Variants in CFAP95 observed in about 807,000 individuals in gnomAD.
CFAP95 encodes cilia- and flagella-associated protein 95.
At chr9:69,840,237 C>T in the CFAP95 span, among the ~76,000 whole-genome samples, 5 of 152,144 alleles carry the variant, frequency 3.3e-5, no homozygotes, top group East Asian at 1.9e-4. Flanking sequence ...CATGGCAAGT[C>T]GTTCGATGAC....
At chr9:69,879,068 C>G in the CFAP95 span, among the ~76,000 whole-genome samples, 4 of 152,150 alleles carry the variant, frequency 2.6e-5, no homozygotes, top group African/African-American at 9.7e-5. Flanking sequence ...AAACACCTCC[C>G]CCCAGGCCTC....
chr9:69,841,959 A>G, the CFAP95 span, among the ~76,000 whole-genome samples: 4 of 152,170 alleles, frequency 2.6e-5, no homozygotes, highest in Non-Finnish European at 4.4e-5. Context: ...TTGTGTGGGG[A>G]CATAGCCAAA....
the CFAP95 span, among the ~76,000 whole-genome samples, chr9:69,894,510 T>C: frequency 6.6e-6 from 1 of 152,194 alleles, no homozygotes; most frequent in Non-Finnish European, 1.5e-5. Context: ...TTGTCTACCA[T>C]GTTCCAGGCA....
chr9:69,861,653 C>G, the CFAP95 span, among the ~76,000 whole-genome samples: 2 of 150,326 alleles, frequency 1.3e-5, no homozygotes, highest in African/African-American at 2.5e-5. Context: ...ACGTCAGGCA[C>G]CACATGTCAG....
chr9:69,876,827 G>A, the CFAP95 span, among the ~76,000 whole-genome samples: 1 of 152,026 alleles, frequency 6.6e-6, no homozygotes, highest in Non-Finnish European at 1.5e-5. Context: ...TAGAGACGGG[G>A]TTTCACCATG....
At chr9:69,865,317 A>G in the CFAP95 span, among the ~76,000 whole-genome samples, 2 of 152,176 alleles carry the variant, frequency 1.3e-5, no homozygotes, top group Non-Finnish European at 2.9e-5. Context: ...AGAATGAACT[A>G]ATACAGATGA....
At chr9:69,853,954 C>T in the CFAP95 span, among the ~76,000 whole-genome samples, 1 of 152,178 alleles carries the variant, frequency 6.6e-6, no homozygotes, top group Admixed American at 6.5e-5. Flanking sequence ...TCCAAGGAAA[C>T]AACTATTTCC....
chr9:69,868,731 A>G, the CFAP95 span, among the ~76,000 whole-genome samples: 16,131 of 150,770 alleles, frequency 0.11, 1,148 homozygotes, highest in East Asian at 0.26. Context: ...ATGGATGAGG[A>G]GAAAATATTT....
chr9:69,861,040 G>C, the CFAP95 span, among the ~76,000 whole-genome samples: 157 of 152,242 alleles, frequency 1.0e-3, 1 homozygote, highest in African/African-American at 3.7e-3. Context: ...GCATAAACCA[G>C]TAACAGTTGT....
the CFAP95 span, among the ~76,000 whole-genome samples, chr9:69,894,431 CA>C: frequency 2.0e-5 from 3 of 151,900 alleles, no homozygotes; most frequent in African/African-American, 7.3e-5. Flanking sequence ...AGCAAGGAAG[CA>C]AGGAAACAAG....
the CFAP95 span, chr9:69,886,879 A>G: frequency 6.2e-7 from 1 of 1,612,996 alleles, no homozygotes; most frequent in Middle Eastern, 1.7e-4. Flanking sequence ...GTTCCACCAT[A>G]TGATTATCAG....
chr9:69,900,087 T>G, the CFAP95 span, among the ~76,000 whole-genome samples: 1 of 152,254 alleles, frequency 6.6e-6, no homozygotes, highest in South Asian at 2.1e-4. Context: ...TATTTTTTAC[T>G]TAGATGGGTT....
At chr9:69,861,943 G>A in the CFAP95 span, among the ~76,000 whole-genome samples, 1 of 152,008 alleles carries the variant, frequency 6.6e-6, no homozygotes, top group Non-Finnish European at 1.5e-5. Flanking sequence ...CCATAACTTG[G>A]TTAGGTCCCT....
chr9:69,851,496 T>G, the CFAP95 span, among the ~76,000 whole-genome samples: 34 of 152,294 alleles, frequency 2.2e-4, no homozygotes, highest in African/African-American at 7.9e-4. Flanking sequence ...GAAGTGAGTG[T>G]GAAGGGTAGG....
chr9:69,824,162 G>A, the CFAP95 span, among the ~76,000 whole-genome samples: 2 of 152,290 alleles, frequency 1.3e-5, no homozygotes, highest in East Asian at 3.9e-4. Flanking sequence ...AGAAGCAGAG[G>A]TAATGGTGTG....
the CFAP95 span, among the ~76,000 whole-genome samples, chr9:69,854,127 A>G: frequency 2.6e-5 from 4 of 152,236 alleles, no homozygotes; most frequent in Admixed American, 6.5e-5. Flanking sequence ...CCGCTGGTAT[A>G]GGAAACAGAA....
chr9:69,840,154 C>A, the CFAP95 span, among the ~76,000 whole-genome samples: 1 of 151,736 alleles, frequency 6.6e-6, no homozygotes, highest in Non-Finnish European at 1.5e-5. Flanking sequence ...GCTCTAGAGG[C>A]ATTGTAAATT....
the CFAP95 span, chr9:69,902,326 C>T: frequency 6.6e-6 from 3 of 454,938 alleles, no homozygotes; most frequent in Admixed American, 4.7e-5. Context: ...ATTTTCTCTA[C>T]CCATTTGGAG....
At chr9:69,867,482 A>G in the CFAP95 span, among the ~76,000 whole-genome samples, 4 of 152,138 alleles carry the variant, frequency 2.6e-5, no homozygotes, top group Admixed American at 2.6e-4. Flanking sequence ...ATAGGCTTAT[A>G]TGGTTTATCT....
Sources: allele counts gnomAD v4.1 joint callset (sites outside exome capture counted in the v4.1 genomes callset), GRCh38; gene constraint gnomAD v4.1.1; transcripts MANE v1.5; gene names NCBI Gene and HGNC (gene_info 2026-07-23, HGNC 2026-07-21).